The following BAHCC1 variants were observed in gnomAD, a reference collection of about 807,000 sequenced individuals.
BAHCC1 encodes BAH domain and coiled-coil containing 1.
BAHCC1 carries 43 observed loss-of-function variants against 88.2 expected under a neutral mutation model. The ratio of observed to expected loss-of-function variants is 0.49; its 90% CI spans 0.38 to 0.63. The LOEUF (loss-of-function observed/expected upper bound fraction) is 0.63, where lower values mean the gene tolerates loss of function less well. Among genes scored for constraint, BAHCC1 ranks in the 20% least tolerant of loss-of-function variants. BAHCC1 has a pLI of 0.00. For synonymous variants in BAHCC1, 1,510 were observed against 745.5 expected (o/e 2.03, Z -16.71); for missense variants, 3,023 against 1,654.8 (o/e 1.83, Z -14.34).
rs1332084951 is a variant in BAHCC1 at position 81,434,766 on chromosome 17, T to C, written c.359-3604T>C. ...GCCTGGGGGGTGGGTTGTGGCCACCTCCCCAGATCTGGCAAGAGGAGGAAG... is the reference window on the plus strand; with the variant it reads ...GCCTGGGGGGTGGGTTGTGGCCACCCCCCCAGATCTGGCAAGAGGAGGAAG... On this transcript the variant is annotated intron_variant, in intron 3 of 27. Transcript: ENST00000675386. This position sits in a 1 kb window ranked among gnomAD's most constrained non-coding sequence, Gnocchi z 4.9. Among the ~76,000 whole-genome samples the C allele has an allele frequency of 6.6e-6, 1 of 151,746 alleles. No individual in the cohort carries two copies. Among genetic ancestry groups the C allele is most frequent in the Non-Finnish European group, 1.5e-5 (1 of 67,872 alleles).
rs919776581 is a variant in BAHCC1 at position 81,426,852 on chromosome 17, C to T, written c.231C>T (p.Phe77=). 28 of 399,474 alleles carry T rather than the reference C, an allele frequency of 7.0e-5. No homozygotes were observed. The highest frequency in any genetic ancestry group is 1.3e-5 in the Non-Finnish European group (3 of 226,874). 24.7% of individuals were successfully genotyped at this position (399,474 alleles called of 1,614,324 possible). ...SSPASSFMGS[F]LTSSLGSAAS... ...CGGCCTCCTCGTTCATGGGCAGTTT[C>T]CTCACCAGCAGCCTGGGCTCGGCAG... is the stretch of plus-strand genomic sequence containing the variant. Residue 77 remains phenylalanine (F), a synonymous_variant, in exon 3 of 28, where the codon TTC becomes TTT. Coordinates refer to ENST00000675386, the MANE Select transcript of BAHCC1 (RefSeq NM_001377448.1).
At chr17:81,409,325 G>A (rs782140349) in intron 2 of BAHCC1, among the ~76,000 whole-genome samples, 2 of 146,044 alleles carry the variant, frequency 1.4e-5, no homozygotes, top group African/African-American at 4.9e-5. Context: ...AGCGCCACAC[G>A]AGGTGGTGGG....
intron 4 of BAHCC1, among the ~76,000 whole-genome samples, 167 bp from the exon 5 acceptor site, chr17:81,441,664 G>C (rs1223563516): frequency 1.2e-5 from 1 of 83,358 alleles, no homozygotes; most frequent in African/African-American, 4.8e-5. Context: ...GCGAGACTCC[G>C]TCTCAAAAAA....
intron 2 of BAHCC1, among the ~76,000 whole-genome samples, chr17:81,426,259 C>T (rs1196552020): frequency 7.3e-5 from 3 of 41,296 alleles, no homozygotes; most frequent in Non-Finnish European, 9.3e-5. Flanking sequence ...TGGTAATAGT[C>T]GTGGGTGATG....
chr17:81,459,725 G>T, intron 23 of BAHCC1, 121 bp downstream of exon 23: 1 of 463,780 alleles, frequency 2.2e-6, no homozygotes, highest in South Asian at 1.7e-5. Context: ...TGCTTAGACA[G>T]AGTACGACAA....
intron 2 of BAHCC1, among the ~76,000 whole-genome samples, chr17:81,410,574 TGAGGCACCACGGGTC>T (rs1209101422): frequency 1.2e-4 from 18 of 152,128 alleles, no homozygotes; most frequent in Admixed American, 3.3e-4. Flanking sequence ...GGACCTGCTC[TGAGGCACCACGGGTC>T]GAGGCACCAC....
intron 2 of BAHCC1, among the ~76,000 whole-genome samples, chr17:81,412,897 G>A (rs904322124): frequency 3.9e-5 from 6 of 152,190 alleles, no homozygotes; most frequent in South Asian, 2.1e-4. Context: ...GCCACCCTCC[G>A]GCTGTCGTGG....
Position 81,399,767 on chromosome 17 carries a change from C to T in BAHCC1, c.28C>T (p.Pro10Ser), listed in dbSNP as rs1423729303. Residue 10 changes from proline (P) to serine (S), a missense_variant, in exon 2 of 28, where the codon CCG becomes TCG. Pro to Ser is a moderately conservative substitution (Grantham distance 74). Coordinates refer to ENST00000675386, the MANE Select transcript of BAHCC1 (RefSeq NM_001377448.1). The surrounding 1 kb of genome is among the most constrained non-coding windows in gnomAD (Gnocchi z 4.5). Reference protein sequence around the residue: MDGRDFAPPPHLLSERGSLG... With the variant: MDGRDFAPPSHLLSERGSLG... ...GGATGGCCGCGACTTTGCGCCGCCGCCGCATCTGCTGTCGGAGCGCGGGAG... is the reference window on the plus strand; with the variant it reads ...GGATGGCCGCGACTTTGCGCCGCCGTCGCATCTGCTGTCGGAGCGCGGGAG... 2.5e-6 allele frequency: 3 copies of T among 1,210,012 alleles called. No homozygotes were observed. Among genetic ancestry groups the T allele is most frequent in the African/African-American group, 1.6e-5 (1 of 62,522 alleles). 75.0% of individuals were successfully genotyped at this position (1,210,012 alleles called of 1,614,324 possible).
At chr17:81,418,796 C>CGTGTGTGTGTGTGTGTGCAT (rs539655672) in intron 2 of BAHCC1, among the ~76,000 whole-genome samples, 3 of 144,800 alleles carry the variant, frequency 2.1e-5, no homozygotes, top group Non-Finnish European at 4.5e-5. Context: ...TACGTGTGTG[C>CGTGTGTGTGTGTGTGTGCAT]GTGTGTGTGT....
rs1459886885 is a variant in BAHCC1, at chr17:81,447,361, G to A, written c.3489G>A (p.Leu1163=). ...AAGAACTGCAATGTGCGGCCCTCCTGGAGGCAGGGGGCCCCGAGGCCACCG... is the reference window on the plus strand; with the variant it reads ...AAGAACTGCAATGTGCGGCCCTCCTAGAGGCAGGGGGCCCCGAGGCCACCG... ...GLQELQCAAL[L]EAGGPEATGQ... is the part of the protein sequence containing the mutation. The change falls in exon 11 of 28, where the codon CTG becomes CTA. Residue 1163 remains leucine (L), a synonymous_variant. Coordinates refer to ENST00000675386, the MANE Select transcript of BAHCC1 (RefSeq NM_001377448.1). 6.8e-6 allele frequency: 5 copies of A among 739,076 alleles called. No homozygotes were observed. Among genetic ancestry groups the A allele is most frequent in the Admixed American group, 3.9e-5 (2 of 51,834 alleles). The allele number at this position is 739,076 out of a possible 1,614,324, so 45.8% of individuals were successfully genotyped here.
intron 2 of BAHCC1, among the ~76,000 whole-genome samples, chr17:81,404,447 T>G (rs2063855280): frequency 6.6e-6 from 1 of 152,204 alleles, no homozygotes; most frequent in African/African-American, 2.4e-5. Flanking sequence ...TGCCCTGGCC[T>G]GGGCCAGAGT....
chr17:81,453,080 G>A (rs991160969), intron 14 of BAHCC1, among the ~76,000 whole-genome samples: 11 of 152,270 alleles, frequency 7.2e-5, no homozygotes, highest in South Asian at 2.1e-4. Context: ...ACCCTGGCCC[G>A]GGTCCCCCTC....
At position 81,442,574 on chromosome 17, in the gene BAHCC1, C is replaced by A; in HGVS notation, c.1225C>A (p.Gln409Lys). Residue 409 changes from glutamine to lysine, a missense_variant, in exon 5 of 28, where the codon CAG becomes AAG. Coordinates refer to ENST00000675386, the MANE Select transcript of BAHCC1 (RefSeq NM_001377448.1). ...GHLADKGRPF[Q>K]AAEACAVAGE... ...CCTGGCCGACAAGGGCCGCCCCTTC[C>A]AGGCCGCCGAGGCCTGTGCCGTGGC... 1 of 760,932 alleles carries A rather than the reference C, an allele frequency of 1.3e-6. No homozygotes were observed. The highest frequency in any genetic ancestry group is 2.4e-6 in the Non-Finnish European group (1 of 408,634). The allele number at this position is 760,932 out of a possible 1,614,324, so 47.1% of individuals were successfully genotyped here. A position where few individuals can be genotyped will look rare whatever the true frequency, so the allele number is the denominator to read the frequency against.
At chr17:81,406,251 G>A (rs1384044593) in intron 2 of BAHCC1, among the ~76,000 whole-genome samples, 1 of 152,072 alleles carries the variant, frequency 6.6e-6, no homozygotes, top group Non-Finnish European at 1.5e-5. Flanking sequence ...CCTCCTTGAG[G>A]GGAGATGGCC....
chr17:81,458,556 G>T, intron 18 of BAHCC1, 65 bp from the exon 19 acceptor site: 1 of 636,338 alleles, frequency 1.6e-6, no homozygotes, highest in Non-Finnish European at 2.9e-6. Context: ...TGGCCCCTGA[G>T]CTCTGGGTCA....
Position 81,455,534 on chromosome 17 carries a change from A to T in BAHCC1, c.4569+144A>T, listed in dbSNP as rs532206093. 1.4e-3 allele frequency: 829 copies of T among 608,490 alleles called. 3 individuals carry two copies. The highest frequency in any genetic ancestry group is 1.9e-3 in the Non-Finnish European group (658 of 337,882). The allele number at this position is 608,490 out of a possible 1,614,324, so 37.7% of individuals were successfully genotyped here. The stretch of plus-strand genomic sequence containing the variant: ...CAAGGCTGGGGAGCTCCGAGCGCCG[A>T]CAGCAGGAGGAGGAGGGTGACCCTG... On this transcript the variant is annotated intron_variant, in intron 15 of 27. Coordinates refer to ENST00000675386, the MANE Select transcript of BAHCC1 (RefSeq NM_001377448.1).
intron 2 of BAHCC1, among the ~76,000 whole-genome samples, chr17:81,409,417 G>C (rs567898166): frequency 2.0e-4 from 31 of 152,374 alleles, no homozygotes; most frequent in Non-Finnish European, 3.8e-4. Context: ...GGGGAAGTGC[G>C]TGTGAATGGA....
At chr17:81,446,471 G>C (rs914559759) in intron 10 of BAHCC1, among the ~76,000 whole-genome samples, 1 of 148,258 alleles carries the variant, frequency 6.7e-6, no homozygotes, top group South Asian at 2.2e-4. Flanking sequence ...TTGTTGGGGG[G>C]AGCTTCAAGG....
In BAHCC1 at chr17:81,445,541, C is replaced by A. The variant is rs561399017; in HGVS notation, c.3023C>A (p.Pro1008Gln). 5.5e-6 allele frequency: 4 copies of A among 726,110 alleles called. No homozygotes were observed. In the African/African-American group the frequency reaches 6.9e-5, roughly 13 times the overall value. 45.0% of individuals were successfully genotyped at this position (726,110 alleles called of 1,614,324 possible). ...DPKPPASSPT[P>Q]PPRPSAPCTL... ...AAGCCCCCCGCCAGCTCCCCCACCCCACCACCTCGGCCCAGCGCCCCGTGC... is the reference window on the plus strand; with the variant it reads ...AAGCCCCCCGCCAGCTCCCCCACCCAACCACCTCGGCCCAGCGCCCCGTGC... The change falls in exon 10 of 28, where the codon CCA becomes CAA. Residue 1008 changes from proline to glutamine, a missense_variant. By Grantham distance (76) the Pro-to-Gln change is moderately conservative (BLOSUM62 -1). Transcript: ENST00000675386.
Sources: gnomAD v4.1 joint callset for allele counts (sites outside exome capture counted in the v4.1 genomes callset) on GRCh38, gnomAD v4.1.1 for gene constraint, Gnocchi (gnomAD v3.1) non-coding constraint, MANE v1.5 for transcripts, NCBI Gene and HGNC (gene_info 2026-07-23, HGNC 2026-07-21) for gene names.